Variants in MRPS18B observed in about 807,000 individuals in gnomAD.
MRPS18B encodes the protein small ribosomal subunit protein mS40.
MRPS18B carries 27 observed loss-of-function variants against 28.4 expected under a neutral mutation model. The ratio of observed to expected loss-of-function variants is 0.95; its 90% confidence interval spans 0.70 to 1.31. The LOEUF (loss-of-function observed/expected upper bound fraction) is 1.31, where lower values mean the gene tolerates loss of function less well. Among genes scored for constraint, MRPS18B ranks in the 40% most tolerant of loss-of-function variants. MRPS18B has a pLI of 0.00. For missense variants in MRPS18B, 343 were observed against 335.9 expected (o/e 1.02, Z -0.17); for synonymous variants, 118 against 123.7 (o/e 0.95, Z 0.30).
rs746643005 is a variant in MRPS18B at position 30,625,611 on chromosome 6, C to A, written c.591C>A (p.Asp197Glu). Residue 197 changes from aspartate (D) to glutamate (E), a missense_variant, in exon 7 of 7, where the codon GAC (aspartate) becomes GAA (glutamate). Asp to Glu is a conservative substitution (Grantham distance 45). Coordinates refer to ENST00000259873, the MANE Select transcript of MRPS18B (RefSeq NM_014046.4). ...CAGCCCCCACCCTGGTCTCAGGTGA[C>A]CCCTGGTACCCATGGTACAACTGGA... is the stretch of plus-strand genomic sequence containing the variant. ...TPPAPTLVSG[D>E]PWYPWYNWKQ... The A allele has an allele frequency of 1.4e-5, 22 of 1,613,030 alleles. No homozygotes were observed. The highest frequency in any genetic ancestry group is 1.8e-5 in the Non-Finnish European group (21 of 1,180,014).
rs775494184 is a variant in MRPS18B at position 30,625,538 on chromosome 6, G to C, written c.518G>C (p.Arg173Pro). ...TACCACATCCCCCAGGTTGAACCAC[G>C]GGACCTTGACTTCAGTACCTCTCAT... ...LIYHIPQVEP[R>P]DLDFSTSHGA... Residue 173 changes from arginine to proline, a missense_variant, in exon 7 of 7, where the codon CGG becomes CCG. Transcript: ENST00000259873. 6 of 1,581,712 alleles carry C rather than the reference G, an allele frequency of 3.8e-6. No individual in the cohort carries two copies. The highest frequency in any genetic ancestry group is 1.3e-5 in the African/African-American group (1 of 74,254).
At chr6:30,618,059 T>A in intron 1 of MRPS18B, 116 bp downstream of exon 1, 1 of 1,040,612 alleles carries the variant, frequency 9.6e-7, no homozygotes, top group Non-Finnish European at 1.4e-6. Flanking sequence ...CTTAGCTGTC[T>A]AGGCAGTACT....
At chr6:30,621,942 G>A (rs898407295) in intron 4 of MRPS18B, among the ~76,000 whole-genome samples, 2 of 152,088 alleles carry the variant, frequency 1.3e-5, no homozygotes, top group African/African-American at 2.4e-5. Flanking sequence ...GCGAGACTCC[G>A]TCTCAAAAAC....
chr6:30,625,103 A>T (rs1028358645), intron 6 of MRPS18B, among the ~76,000 whole-genome samples, 161 bp downstream of exon 6: 5 of 152,158 alleles, frequency 3.3e-5, no homozygotes, highest in African/African-American at 1.2e-4. Flanking sequence ...TGAGTGTCTT[A>T]CTTTATCATT....
chr6:30,625,412 TG>T, intron 6 of MRPS18B, 89 bp from the exon 7 acceptor site: 2 of 1,294,636 alleles, frequency 1.5e-6, no homozygotes, highest in Non-Finnish European at 2.1e-6. Flanking sequence ...TGGCTCTGAC[TG>T]GTCCTTCCCT....
At chr6:30,623,048 T>C (rs1356804130) in intron 5 of MRPS18B, 150 bp downstream of exon 5, 14 of 749,020 alleles carry the variant, frequency 1.9e-5, no homozygotes, top group Admixed American at 2.6e-5. Context: ...TGCTGGGGGC[T>C]AAAGTAATTA....
intron 1 of MRPS18B, among the ~76,000 whole-genome samples, chr6:30,618,210 C>G (rs951886957): frequency 2.6e-5 from 4 of 152,120 alleles, no homozygotes; most frequent in African/African-American, 9.7e-5. Flanking sequence ...TGTCCACCCT[C>G]AGTCATGCAT....
chr6:30,618,291 A>G (rs1760877920), intron 1 of MRPS18B, among the ~76,000 whole-genome samples: 1 of 152,196 alleles, frequency 6.6e-6, no homozygotes, highest in Non-Finnish European at 1.5e-5. Context: ...CAATTTTAGC[A>G]TAACATATGT....
chr6:30,619,470 T>G, intron 1 of MRPS18B, 23 bp from the exon 2 acceptor site: 1 of 1,587,580 alleles, frequency 6.3e-7, no homozygotes, highest in Non-Finnish European at 8.6e-7. Flanking sequence ...CTCATTCTTT[T>G]ATTTTTTTCT....
chr6:30,625,685 G>T lies in MRPS18B; in HGVS notation c.665G>T (p.Gly222Val). ...ELSRLRRLYQ[G>V]HLQEESGPPP... ...TCTCGCCTTCGCCGGCTTTACCAGG[G>T]TCATCTCCAAGAAGAGAGTGGCCCC... Residue 222 changes from glycine (G) to valine (V), a missense_variant, in exon 7 of 7, where the codon GGT becomes GTT. Gly to Val is a moderately radical substitution (Grantham distance 109). Transcript: ENST00000259873. The T allele has an allele frequency of 1.9e-6, 3 of 1,613,034 alleles. No individual in the cohort carries two copies. The highest frequency in any genetic ancestry group is 2.5e-6 in the Non-Finnish European group (3 of 1,180,028).
At position 30,619,606 on chromosome 6, in the gene MRPS18B, C is replaced by T. The variant is rs548927949; in HGVS notation, c.187+5C>T. 7 of 1,611,750 alleles carry T rather than the reference C, an allele frequency of 4.3e-6. No homozygotes were observed. The South Asian group carries it at 5.5e-5, about 13-fold the overall frequency. ...GGAAATATCTGGAATCAGAAGGTAC[C>T]TCTAAAGGGGGAAAGGGAGGGTCAG... On this transcript the variant is annotated splice_donor_5th_base_variant and intron_variant, in intron 2 of 6. Coordinates refer to ENST00000259873, the MANE Select transcript of MRPS18B (RefSeq NM_014046.4).
intron 4 of MRPS18B, among the ~76,000 whole-genome samples, chr6:30,622,527 A>G (rs1055153823): frequency 7.2e-6 from 1 of 138,104 alleles, no homozygotes; most frequent in Non-Finnish European, 1.5e-5. Context: ...GCGCCACTGC[A>G]CTCCAGCCTG....
intron 1 of MRPS18B, 133 bp downstream of exon 1, chr6:30,618,076 A>ACC: frequency 1.2e-6 from 1 of 849,784 alleles, no homozygotes. Context: ...TACTTCCTGC[A>ACC]ACCCCCCCCC....
At position 30,625,673 on chromosome 6, in the gene MRPS18B, G is replaced by T. The variant is rs759576822; in HGVS notation, c.653G>T (p.Arg218Leu). The T allele has an allele frequency of 6.2e-7, 1 of 1,612,978 alleles. No individual in the cohort carries two copies. Among genetic ancestry groups the T allele is most frequent in the South Asian group, 1.1e-5 (1 of 91,058 alleles). ...GAGAGAGAACTGTCTCGCCTTCGCC[G>T]GCTTTACCAGGGTCATCTCCAAGAA... Reference protein sequence around the residue: ...PPERELSRLRRLYQGHLQEES... With the variant: ...PPERELSRLRLLYQGHLQEES... Residue 218 changes from arginine to leucine, a missense_variant, in exon 7 of 7, where the codon CGG becomes CTG. By Grantham distance (102) the Arg-to-Leu change is moderately radical (BLOSUM62 -2). Transcript: ENST00000259873.
At position 30,626,036 on chromosome 6, in the gene MRPS18B, T is replaced by G; in HGVS notation, c.*239T>G. ...ATCACTTGATCCCAGGAGGCGGAGG[T>G]TGCAGTGAGTTGCAGTCACACCCCT... On this transcript the variant is annotated 3_prime_UTR_variant, in exon 7 of 7. Transcript: ENST00000259873. 1 of 489,118 alleles carries G rather than the reference T, an allele frequency of 2.0e-6. No individual in the cohort carries two copies. The highest frequency in any genetic ancestry group is 3.2e-5 in the East Asian group (1 of 30,938). The allele number at this position is 489,118 out of a possible 1,614,324, so 30.3% of individuals were successfully genotyped here. A position where few individuals can be genotyped will look rare whatever the true frequency, so the allele number is the denominator to read the frequency against.
chr6:30,620,083 C>T lies in MRPS18B; in HGVS notation c.354+94C>T, dbSNP rs1236518398. 3.6e-5 allele frequency: 43 copies of T among 1,186,146 alleles called. No individual in the cohort carries two copies. The East Asian group carries it at 8.9e-4, about 25-fold the overall frequency. 73.5% of individuals were successfully genotyped at this position (1,186,146 alleles called of 1,614,324 possible). On this transcript the variant is annotated intron_variant, in intron 4 of 6. Transcript: ENST00000259873. ...CTGTAATCCCAGCACTTTGGGAGGC[C>T]AAGGCAGGTGGATCATGAGGTCAGG...
At chr6:30,622,934 T>A in intron 5 of MRPS18B, 36 bp downstream of exon 5, 1 of 1,596,040 alleles carries the variant, frequency 6.3e-7, no homozygotes, top group South Asian at 1.1e-5. Context: ...AGAGAGCTTT[T>A]CCTTGTGGCA....
chr6:30,619,448 C>T, intron 1 of MRPS18B, 45 bp from the exon 2 acceptor site: 1 of 1,507,922 alleles, frequency 6.6e-7, no homozygotes, highest in Non-Finnish European at 9.2e-7. Flanking sequence ...ACAATTTAGT[C>T]CTTTCCTTAA....
At chr6:30,624,847 T>G (rs376686521) in intron 5 of MRPS18B, 36 bp from the exon 6 acceptor site, 88 of 1,608,610 alleles carry the variant, frequency 5.5e-5, no homozygotes, top group Non-Finnish European at 7.4e-5. Context: ...TATTATTTAC[T>G]GTGCCTTAAA....
Sources: allele counts gnomAD v4.1 joint callset (sites outside exome capture counted in the v4.1 genomes callset), GRCh38; gene constraint gnomAD v4.1.1; transcripts MANE v1.5; gene names NCBI Gene and HGNC (gene_info 2026-07-23, HGNC 2026-07-21).